Variants in UNC13C observed in about 807,000 individuals in gnomAD.
UNC13C encodes unc-13 homolog C.
Under a neutral mutation model 245.4 loss-of-function variants are expected in UNC13C, and 174 were observed. The observed-to-expected ratio is 0.71, with a 90% CI of 0.63 to 0.80. UNC13C has a LOEUF of 0.80. Among genes scored for constraint, UNC13C ranks in the 30% least tolerant of loss-of-function variants. UNC13C has a pLI of 0.00. For synonymous variants in UNC13C, 992 were observed against 895.1 expected, an observed-to-expected ratio of 1.11 and a Z score of -1.93; for missense variants, 2,829 against 2,602.9, an observed-to-expected ratio of 1.09 and a Z score of -1.89.
chr15:54,314,735 A>G (rs745687311), intron 13 of UNC13C, among the ~76,000 whole-genome samples: 3 of 151,822 alleles, frequency 2.0e-5, no homozygotes, highest in Non-Finnish European at 4.4e-5. Flanking sequence ...TGGTGTTTTC[A>G]TGCTGTTCAT....
chr15:54,602,728 C>T (rs1010424031), intron 30 of UNC13C, among the ~76,000 whole-genome samples: 9 of 152,152 alleles, frequency 5.9e-5, no homozygotes, highest in African/African-American at 2.2e-4. Context: ...CCATACGTCT[C>T]ATCAGTCACA....
At position 54,100,274 on chromosome 15, in the gene UNC13C, C is replaced by A. The variant is rs988476431; in HGVS notation, c.2984-42744C>A. 2.0e-5 allele frequency among the ~76,000 whole-genome samples: 3 copies of A among 152,074 alleles called. No homozygotes were observed. In the East Asian group the frequency reaches 5.8e-4, roughly 29 times the overall value. ...TCTTTGAGAGTTTTTCCACCTATAC[C>A]TTGGAATGCTTCCATCAAAGCCAAA... On this transcript the variant is annotated intron_variant, in intron 2 of 32. Transcript: ENST00000260323.
intron 29 of UNC13C, among the ~76,000 whole-genome samples, chr15:54,561,445 T>A (rs1349831612): frequency 1.3e-5 from 2 of 151,922 alleles, no homozygotes; most frequent in Admixed American, 1.3e-4. Context: ...GAAAGACAGA[T>A]GGGCGTTTAC....
intron 18 of UNC13C, among the ~76,000 whole-genome samples, chr15:54,412,394 G>A (rs61059608): frequency 0.03 from 4,614 of 152,100 alleles, 183 homozygotes; most frequent in Admixed American, 0.12. Context: ...ACTGCCAAAC[G>A]CTTTTAAAAC....
At chr15:54,172,245 A>G (rs2033427013) in intron 4 of UNC13C, among the ~76,000 whole-genome samples, 1 of 152,002 alleles carries the variant, frequency 6.6e-6, no homozygotes, top group East Asian at 1.9e-4. Flanking sequence ...AAATAATTAA[A>G]AGAGTATAAT....
intron 10 of UNC13C, among the ~76,000 whole-genome samples, chr15:54,279,915 G>T (rs2036930801): frequency 6.6e-6 from 1 of 152,128 alleles, no homozygotes; most frequent in African/African-American, 2.4e-5. Context: ...AATATAAAAA[G>T]ATAGGTTTTC....
intron 11 of UNC13C, 86 bp downstream of exon 11, chr15:54,294,150 A>G (rs2037371767): frequency 8.4e-7 from 1 of 1,196,266 alleles, no homozygotes; most frequent in Admixed American, 3.0e-5. Context: ...ATATAAGTAA[A>G]AATAACCAAT....
intron 19 of UNC13C, among the ~76,000 whole-genome samples, chr15:54,482,892 T>C (rs2141066857): frequency 6.6e-6 from 1 of 152,376 alleles, no homozygotes; most frequent in East Asian, 1.9e-4. Context: ...AAGGCCATTG[T>C]AAATGAGAAT....
intron 19 of UNC13C, among the ~76,000 whole-genome samples, chr15:54,459,349 A>G (rs1159945049): frequency 6.6e-6 from 1 of 152,146 alleles, no homozygotes; most frequent in Non-Finnish European, 1.5e-5. Flanking sequence ...TCTTGACTTT[A>G]GGTAACCTAA....
At chr15:54,464,516 G>C (rs1434308154) in intron 19 of UNC13C, among the ~76,000 whole-genome samples, 1 of 151,944 alleles carries the variant, frequency 6.6e-6, no homozygotes, top group African/African-American at 2.4e-5. Context: ...GTATTTAATA[G>C]ACTTTTTCTT....
chr15:54,016,727 A>G lies in UNC13C; in HGVS notation c.2983+841A>G, dbSNP rs181030017. On this transcript the variant is annotated intron_variant, in intron 2 of 32. Transcript: ENST00000260323. ...TATTTCTCAACCCAACTTCCTCCGC[A>G]CTTATTCCACTCCCTTACCATTTAT... is the stretch of plus-strand genomic sequence containing the variant. Among the ~76,000 whole-genome samples, 263 of 152,290 alleles carry G rather than the reference A, an allele frequency of 1.7e-3. 3 individuals carry two copies. Among genetic ancestry groups the G allele is most frequent in the African/African-American group, 5.9e-3 (245 of 41,560 alleles).
chr15:54,202,842 C>T (rs59091484), intron 4 of UNC13C, among the ~76,000 whole-genome samples: 12,404 of 151,888 alleles, frequency 0.082, 709 homozygotes, highest in African/African-American at 0.15. Flanking sequence ...TAAAAAGCAT[C>T]GGCACAGCAA....
At chr15:54,428,328 A>G (rs192965787) in intron 19 of UNC13C, among the ~76,000 whole-genome samples, 5 of 151,620 alleles carry the variant, frequency 3.3e-5, no homozygotes, top group Non-Finnish European at 7.4e-5. Flanking sequence ...CTCTGAACTC[A>G]TCTCCTTTGA....
Position 54,264,161 on chromosome 15 carries a change from A to G in UNC13C, c.3449-7A>G, listed in dbSNP as rs774103321. 3.8e-6 allele frequency: 6 copies of G among 1,565,458 alleles called. No homozygotes were observed. The highest frequency in any genetic ancestry group is 2.4e-5 in the East Asian group (1 of 42,410). ...CATTCACATCACCATTGATGTTTCC[A>G]TCATAGGAGCAGCAGAAAAGAGTTC... On this transcript the variant is annotated splice_polypyrimidine_tract_variant and splice_region_variant and intron_variant, in intron 8 of 32. Transcript: ENST00000260323.
At chr15:54,377,677 C>G (rs2039635569) in intron 17 of UNC13C, among the ~76,000 whole-genome samples, 1 of 152,164 alleles carries the variant, frequency 6.6e-6, no homozygotes, top group Non-Finnish European at 1.5e-5. Flanking sequence ...TGCTAAGGGT[C>G]CATTCCTTAT....
chr15:54,363,584 T>C (rs1465340360), intron 17 of UNC13C, among the ~76,000 whole-genome samples: 1 of 152,208 alleles, frequency 6.6e-6, no homozygotes, highest in Non-Finnish European at 1.5e-5. Flanking sequence ...GGAGGAAATG[T>C]GGAGCCACTA....
At chr15:54,032,058 A>T (rs1463070023) in intron 2 of UNC13C, among the ~76,000 whole-genome samples, 1 of 152,220 alleles carries the variant, frequency 6.6e-6, no homozygotes, top group Admixed American at 6.5e-5. Context: ...CAAAGGCATG[A>T]GTCTACATGT....
chr15:54,243,732 G>A (rs1013621618), intron 7 of UNC13C, among the ~76,000 whole-genome samples: 1 of 152,190 alleles, frequency 6.6e-6, no homozygotes, highest in Non-Finnish European at 1.5e-5. Context: ...GATCAGTGAT[G>A]TTGAGCTTCT....
At chr15:54,061,930 T>C (rs1366115406) in intron 2 of UNC13C, among the ~76,000 whole-genome samples, 1 of 152,148 alleles carries the variant, frequency 6.6e-6, no homozygotes, top group Admixed American at 6.5e-5. Context: ...CCCTCAGAAT[T>C]TGGGCAGCCC....
Sources: allele counts gnomAD v4.1 joint callset (sites outside exome capture counted in the v4.1 genomes callset), GRCh38; gene constraint gnomAD v4.1.1; transcripts MANE v1.5; gene names NCBI Gene and HGNC (gene_info 2026-07-23, HGNC 2026-07-21).